The following ADAMTS2 variants were observed in gnomAD, a reference collection of about 807,000 sequenced individuals.
The protein encoded by ADAMTS2 is A disintegrin and metalloproteinase with thrombospondin motifs 2.
In ADAMTS2, 50 loss-of-function variants were observed where a neutral mutation model predicts 123.0. The ratio of observed to expected loss-of-function variants is 0.41; its 90% CI spans 0.32 to 0.51. ADAMTS2 has a LOEUF of 0.51. Ranked by LOEUF, ADAMTS2 falls within the 20% of genes least tolerant of loss-of-function variation. The probability of loss-of-function intolerance (pLI) is 0.35; values close to 1 mark genes in which losing one functional copy is unlikely to be tolerated. For synonymous variants in ADAMTS2, 678 were observed against 695.4 expected, an observed-to-expected ratio of 0.98 and a Z score of 0.39; for missense variants, 1,494 against 1,705.2, an observed-to-expected ratio of 0.88 and a Z score of 2.18.
chr5:179,183,354 T>C (rs995663798), intron 4 of ADAMTS2, among the ~76,000 whole-genome samples: 2 of 152,194 alleles, frequency 1.3e-5, no homozygotes, highest in African/African-American at 4.8e-5. Flanking sequence ...GGGAGCAGAA[T>C]AGGAGAGAGG....
chr5:179,245,761 G>A (rs1270294002), intron 3 of ADAMTS2, among the ~76,000 whole-genome samples: 4 of 41,680 alleles, frequency 9.6e-5, no homozygotes, highest in African/African-American at 7.4e-4. Context: ...GCGAGACTCC[G>A]TCTCAAAAAA....
intron 3 of ADAMTS2, among the ~76,000 whole-genome samples, chr5:179,255,702 C>G (rs551334856): frequency 1.3e-5 from 2 of 152,156 alleles, no homozygotes; most frequent in Admixed American, 6.5e-5. Context: ...GGCTGGGGCC[C>G]GCCTCACCTC....
chr5:179,337,253 A>G (rs1581291211), intron 2 of ADAMTS2, among the ~76,000 whole-genome samples: 2 of 152,164 alleles, frequency 1.3e-5, no homozygotes, highest in African/African-American at 4.8e-5. Context: ...CTCTCCCCTG[A>G]GTACCTCAAC....
chr5:179,126,101 G>A lies in ADAMTS2; in HGVS notation c.2647C>T (p.Arg883Trp), dbSNP rs1309922524. 21 of 1,612,996 alleles carry A rather than the reference G, an allele frequency of 1.3e-5. No homozygotes were observed. The highest frequency in any genetic ancestry group is 4.0e-5 in the African/African-American group (3 of 74,954). ...GSQFTKYGCR[R>W]RLDHKMVHRG... ...TGTACCATCTTGTGGTCCAGCCTCC[G>A]GCGGCAGCCATACTTGGTGAACTGG... The change falls in exon 18 of 22, where the codon CGG becomes TGG. Residue 883 changes from arginine (R) to tryptophan (W), a missense_variant. By Grantham distance (101) the Arg-to-Trp change is moderately radical (BLOSUM62 -3). Around this residue, in one of 6 missense-constraint regions of ADAMTS2, gnomAD observed 953 missense variants for 1,124.7 expected, o/e 0.85. Coordinates refer to ENST00000251582, the MANE Select transcript of ADAMTS2 (RefSeq NM_014244.5).
intron 2 of ADAMTS2, among the ~76,000 whole-genome samples, chr5:179,298,488 G>A (rs1269663267): frequency 2.0e-5 from 3 of 152,156 alleles, no homozygotes; most frequent in Admixed American, 1.3e-4. Flanking sequence ...ACCCACTGGC[G>A]CCCCGATCTC....
chr5:179,327,378 C>T (rs768952677), intron 2 of ADAMTS2, among the ~76,000 whole-genome samples: 2 of 152,202 alleles, frequency 1.3e-5, no homozygotes, highest in Non-Finnish European at 2.9e-5. Flanking sequence ...CTGAAAGTGT[C>T]TCACTGAACC....
At chr5:179,198,768 C>T (rs749592432) in intron 4 of ADAMTS2, among the ~76,000 whole-genome samples, 7 of 150,300 alleles carry the variant, frequency 4.7e-5, no homozygotes, top group East Asian at 2.0e-4. Flanking sequence ...TGAGAGGTGG[C>T]GGTTGCAGTG....
At chr5:179,318,610 A>T (rs996965854) in intron 2 of ADAMTS2, among the ~76,000 whole-genome samples, 2 of 152,164 alleles carry the variant, frequency 1.3e-5, no homozygotes, top group South Asian at 4.1e-4. Flanking sequence ...TTAGAAGACG[A>T]CAAGGGCCAC....
intron 2 of ADAMTS2, among the ~76,000 whole-genome samples, chr5:179,295,489 C>G (rs1360094502): frequency 1.3e-5 from 2 of 152,176 alleles, no homozygotes; most frequent in Non-Finnish European, 2.9e-5. Flanking sequence ...TCTGTTGATC[C>G]CTTATGTGTC....
Position 179,262,075 on chromosome 5 carries a change from C to T in ADAMTS2, c.688+10836G>A, listed in dbSNP as rs1581228514. Among the ~76,000 whole-genome samples the T allele has an allele frequency of 6.6e-6, 1 of 152,156 alleles. No homozygotes were observed. Among genetic ancestry groups the T allele is most frequent in the South Asian group, 2.1e-4 (1 of 4,828 alleles). On this transcript the variant is annotated intron_variant, in intron 3 of 21. Coordinates refer to ENST00000251582, the MANE Select transcript of ADAMTS2 (RefSeq NM_014244.5). This position sits in a 1 kb window ranked among gnomAD's most constrained non-coding sequence, Gnocchi z 5.9. Reference sequence around the variant, plus strand: ...CTTGGCACCTTCTTTCCTGGGAAAACACCTCCCTCTGGGCCAGGGCAGTGC... The same window carrying T: ...CTTGGCACCTTCTTTCCTGGGAAAATACCTCCCTCTGGGCCAGGGCAGTGC...
intron 3 of ADAMTS2, among the ~76,000 whole-genome samples, chr5:179,244,773 A>G (rs6601023): frequency 0.38 from 58,135 of 152,068 alleles, 11,734 homozygotes; most frequent in African/African-American, 0.49. Flanking sequence ...CTGGAGTAAA[A>G]AAATGACACC....
At chr5:179,184,842 C>T (rs970209568) in intron 4 of ADAMTS2, among the ~76,000 whole-genome samples, 10 of 152,226 alleles carry the variant, frequency 6.6e-5, no homozygotes, top group South Asian at 2.1e-4. Context: ...TGCCAGGAGG[C>T]GGAGAGGGAC....
intron 15 of ADAMTS2, among the ~76,000 whole-genome samples, chr5:179,131,155 T>C (rs536211699): frequency 8.6e-5 from 13 of 150,316 alleles, no homozygotes; most frequent in African/African-American, 3.2e-4. Flanking sequence ...TAGTAAAAAA[T>C]ACAAAAAATT....
chr5:179,329,680 C>T (rs980926630), intron 2 of ADAMTS2, among the ~76,000 whole-genome samples: 2 of 151,976 alleles, frequency 1.3e-5, no homozygotes, highest in Admixed American at 6.6e-5. Context: ...CAGAGCTGAC[C>T]GAAGAAACAA....
chr5:179,268,988 C>T (rs1766450635), intron 3 of ADAMTS2, among the ~76,000 whole-genome samples: 1 of 152,196 alleles, frequency 6.6e-6, no homozygotes, highest in South Asian at 2.1e-4. Context: ...TGCAGATGTG[C>T]TTGCAGTAAG....
At chr5:179,127,455 C>T (rs1762879692) in intron 17 of ADAMTS2, among the ~76,000 whole-genome samples, 1 of 152,144 alleles carries the variant, frequency 6.6e-6, no homozygotes. Flanking sequence ...TCAGCGCTTC[C>T]TGTCTGCCTC....
At position 179,188,537 on chromosome 5, in the gene ADAMTS2, C is replaced by T. The variant is rs1764225777; in HGVS notation, c.892-7382G>A. Among the ~76,000 whole-genome samples the T allele has an allele frequency of 6.6e-6, 1 of 152,184 alleles. No individual in the cohort carries two copies. Among genetic ancestry groups the T allele is most frequent in the Non-Finnish European group, 1.5e-5 (1 of 68,040 alleles). ...TGCAGATCTTCTTCACCCTCGGCTC[C>T]TCAGCAGATGCTTCAGAGGGAATGC... On this transcript the variant is annotated intron_variant, in intron 4 of 21. Transcript: ENST00000251582. This position sits in a 1 kb window ranked among gnomAD's most constrained non-coding sequence, Gnocchi z 5.1.
chr5:179,320,368 C>T (rs1340026007), intron 2 of ADAMTS2, among the ~76,000 whole-genome samples: 1 of 152,192 alleles, frequency 6.6e-6, no homozygotes, highest in Admixed American at 6.5e-5. Flanking sequence ...AGTGCAGTGG[C>T]ACGATCTTGA....
rs370350117 is a variant in ADAMTS2 at position 179,129,975 on chromosome 5, G to A, written c.2414C>T (p.Thr805Met). ...WEYRDEDGRE[T>M]LQTMGPLHGT... Reference sequence around the variant, plus strand: ...GTGGAGGGGGCCCATGGTCTGCAGCGTCTCCCGGCCGTCCTCGTCTCTGTA... The same window carrying A: ...GTGGAGGGGGCCCATGGTCTGCAGCATCTCCCGGCCGTCCTCGTCTCTGTA... The change falls in exon 16 of 22, where the codon ACG becomes ATG. Residue 805 changes from threonine (T) to methionine (M), a missense_variant. Coordinates refer to ENST00000251582, the MANE Select transcript of ADAMTS2 (RefSeq NM_014244.5). The surrounding 1 kb of genome is among the most constrained non-coding windows in gnomAD (Gnocchi z 4.1). 4.5e-5 allele frequency: 72 copies of A among 1,614,048 alleles called. No individual in the cohort carries two copies. The highest frequency in any genetic ancestry group is 5.5e-5 in the South Asian group (5 of 91,086).
Sources: gnomAD v4.1 joint callset for allele counts (sites outside exome capture counted in the v4.1 genomes callset) on GRCh38, gnomAD v4.1.1 for gene constraint, gnomAD v4.1.1 regional missense constraint, Gnocchi (gnomAD v3.1) non-coding constraint, MANE v1.5 for transcripts, NCBI Gene and HGNC (gene_info 2026-07-23, HGNC 2026-07-21) for gene names.